MOV10L1: variants seen among roughly 807,000 people sequenced by gnomAD.
MOV10L1 encodes Mov10 like RNA helicase 1, also known as RNA helicase Mov10l1.
A neutral mutation model predicts 143.8 loss-of-function variants in MOV10L1; 110 were observed. That is an observed-to-expected ratio of 0.76 (90% CI 0.66 to 0.90). The LOEUF (loss-of-function observed/expected upper bound fraction) is 0.90. Among genes scored for constraint, MOV10L1 ranks in the 40% least tolerant of loss-of-function variants. MOV10L1 has a pLI of 0.00. For synonymous variants in MOV10L1, 593 were observed against 581.1 expected (o/e 1.02, Z -0.29); for missense variants, 1,406 against 1,526.8 (o/e 0.92, Z 1.32).
Position 50,149,699 on chromosome 22 carries a change from G to A in MOV10L1, c.2712G>A (p.Ser904=), listed in dbSNP as rs150225939. 15 of 1,613,374 alleles carry A rather than the reference G, an allele frequency of 9.3e-6. No homozygotes were observed. The highest frequency in any genetic ancestry group is 6.7e-5 in the African/African-American group (5 of 74,916). ...GCCTCATTCCTCTGGGGCTGATGTCGGACATCAGTGGCCAGGTAAGTCCCG... is the reference window on the plus strand; with the variant it reads ...GCCTCATTCCTCTGGGGCTGATGTCAGACATCAGTGGCCAGGTAAGTCCCG... ...PECLIPLGLM[S]DISGQIVLAG... Residue 904 remains serine (S), a synonymous_variant, in exon 20 of 27, where the codon TCG becomes TCA. Coordinates refer to ENST00000262794, the MANE Select transcript of MOV10L1 (RefSeq NM_018995.3).
At chr22:50,149,409 T>C in intron 19 of MOV10L1, 2 of 576,630 alleles carry the variant, frequency 3.5e-6, no homozygotes, top group Non-Finnish European at 6.2e-6. Flanking sequence ...TGCAAAGCAC[T>C]GGGTGCTGAT....
rs1185802592 is a variant in MOV10L1, at chr22:50,114,456, C to G, written c.960C>G (p.Phe320Leu). ...GGGATAAATCTAAACAATTCAGATT[C>G]CAAATGCTGGATAAAGACCAGATGT... ...AGWDKSKQFRFQMLDKDQMCP... is the reference protein window; with the variant it reads ...AGWDKSKQFRLQMLDKDQMCP... Residue 320 changes from phenylalanine to leucine, a missense_variant, in exon 7 of 27, where the codon TTC (phenylalanine) becomes TTG (leucine). By Grantham distance (22) the Phe-to-Leu change is conservative. This residue lies in a region of MOV10L1 where 1,233 missense variants were observed against 1,351.4 expected (regional missense o/e 0.91). Coordinates refer to ENST00000262794, the MANE Select transcript of MOV10L1 (RefSeq NM_018995.3). 2 of 1,614,050 alleles carry G rather than the reference C, an allele frequency of 1.2e-6. No homozygotes were observed. The highest frequency in any genetic ancestry group is 1.7e-5 in the Admixed American group (1 of 59,994).
In MOV10L1 at chr22:50,160,722, G is replaced by A. The variant is rs373499064; in HGVS notation, c.3359G>A (p.Arg1120Gln). ...AATGAAGATAGATTTGAAGATGATCGATATTTTTTGGGTTTCTTGTCCAAC... is the reference window on the plus strand; with the variant it reads ...AATGAAGATAGATTTGAAGATGATCAATATTTTTTGGGTTTCTTGTCCAAC... ...RSNEDRFEDD[R>Q]YFLGFLSNSK... Residue 1120 changes from arginine (R) to glutamine (Q), a missense_variant, in exon 25 of 27, where the codon CGA becomes CAA. Physicochemically the swap from Arg to Gln is conservative, Grantham distance 43 (BLOSUM62 1). Coordinates refer to ENST00000262794, the MANE Select transcript of MOV10L1 (RefSeq NM_018995.3). 2.0e-5 allele frequency: 32 copies of A among 1,613,952 alleles called. No homozygotes were observed. Among genetic ancestry groups the A allele is most frequent in the Non-Finnish European group, 2.5e-5 (29 of 1,180,004 alleles).
intron 15 of MOV10L1, among the ~76,000 whole-genome samples, chr22:50,141,659 C>T (rs185152006): frequency 1.8e-4 from 28 of 152,186 alleles, no homozygotes; most frequent in African/African-American, 6.5e-4. Flanking sequence ...TCTTGCCTGA[C>T]GTCAACAGGC....
In MOV10L1 at chr22:50,152,102, T is replaced by A. The variant is rs942558249; in HGVS notation, c.2893-943T>A. Among the ~76,000 whole-genome samples, 11 of 152,144 alleles carry A rather than the reference T, an allele frequency of 7.2e-5. No individual in the cohort carries two copies. Among genetic ancestry groups the A allele is most frequent in the African/African-American group, 2.4e-4 (10 of 41,446 alleles). ...GAGTCGGGAGGACTCACGGGGCCAA[T>A]CATGGCGTTCTCGTGCCAGTGTCAT... is the stretch of plus-strand genomic sequence containing the variant. On this transcript the variant is annotated intron_variant, in intron 21 of 26. Transcript: ENST00000262794. This position sits in a 1 kb window ranked among gnomAD's most constrained non-coding sequence, Gnocchi z 4.4.
intron 1 of MOV10L1, chr22:50,090,394 T>G: frequency 1.3e-6 from 2 of 1,560,508 alleles, no homozygotes; most frequent in Non-Finnish European, 8.7e-7. Flanking sequence ...CCGTCCTCTG[T>G]GAGGTCTCTC....
At chr22:50,093,612 G>A (rs529332958) in intron 2 of MOV10L1, 5 of 152,000 alleles carry the variant, frequency 3.3e-5, no homozygotes, top group Non-Finnish European at 4.4e-5. Context: ...GAGCTCAAGC[G>A]ATTCTTCCAC....
At position 50,126,105 on chromosome 22, in the gene MOV10L1, G is replaced by A. The variant is rs781359997; in HGVS notation, c.1748-97G>A. The A allele has an allele frequency of 6.4e-5, 52 of 818,228 alleles. 1 individual carries two copies. The highest frequency in any genetic ancestry group is 4.5e-4 in the Middle Eastern group (2 of 4,406). The allele number at this position is 818,228 out of a possible 1,614,324, so 50.7% of individuals were successfully genotyped here. Reference sequence around the variant, plus strand: ...CTGCACCCAGCCTGACCCCAGTAACGTTTTATTGAACCTCCTCAGTGTTGG... The same window carrying A: ...CTGCACCCAGCCTGACCCCAGTAACATTTTATTGAACCTCCTCAGTGTTGG... On this transcript the variant is annotated intron_variant, in intron 11 of 26. Coordinates refer to ENST00000262794, the MANE Select transcript of MOV10L1 (RefSeq NM_018995.3).
chr22:50,090,765 C>G (rs2062414231), intron 1 of MOV10L1: 3 of 463,954 alleles, frequency 6.5e-6, no homozygotes, highest in African/African-American at 6.0e-5. Flanking sequence ...CAACCTCCGC[C>G]TTCTGGGTTC....
At chr22:50,099,371 G>A (rs1019212604) in intron 2 of MOV10L1, 72 bp from the exon 3 acceptor site, 272 of 1,542,534 alleles carry the variant, frequency 1.8e-4, no homozygotes, top group Admixed American at 2.5e-4. Context: ...TCTCAGACAG[G>A]CATGCCAGCC....
At chr22:50,095,469 T>C (rs923418530) in intron 2 of MOV10L1, 2 of 152,172 alleles carry the variant, frequency 1.3e-5, no homozygotes, top group African/African-American at 4.8e-5. Context: ...TTTTTGTGTG[T>C]ATTTAAAGGA....
intron 22 of MOV10L1, among the ~76,000 whole-genome samples, chr22:50,155,844 A>G (rs1397165639): frequency 6.6e-6 from 1 of 152,174 alleles, no homozygotes; most frequent in Non-Finnish European, 1.5e-5. Flanking sequence ...TGAGCCCAGG[A>G]GTTCAAGAAC....
chr22:50,114,384 T>A lies in MOV10L1; in HGVS notation c.888T>A (p.Asn296Lys). The A allele has an allele frequency of 6.2e-7, 1 of 1,613,644 alleles. No homozygotes were observed. The highest frequency in any genetic ancestry group is 8.5e-7 in the Non-Finnish European group (1 of 1,179,684). The change falls in exon 7 of 27, where the codon AAT (asparagine) becomes AAA (lysine). Residue 296 changes from asparagine (N) to lysine (K), a missense_variant. Physicochemically the swap from Asn to Lys is moderately conservative, Grantham distance 94. Coordinates refer to ENST00000262794, the MANE Select transcript of MOV10L1 (RefSeq NM_018995.3). ...RSKTMVIWIE[N>K]KGDIPQNLVS... ...ATAGTTAATTGTATTTTTCCAGGAA[T>A]AAAGGAGACATTCCTCAAAACTTAG...
chr22:50,090,576 T>C lies in MOV10L1; in HGVS notation c.97+391T>C, dbSNP rs1460629365. 3 of 1,557,874 alleles carry C rather than the reference T, an allele frequency of 1.9e-6. No individual in the cohort carries two copies. The African/African-American group carries it at 4.1e-5, about 21-fold the overall frequency. On this transcript the variant is annotated intron_variant, in intron 1 of 26. Coordinates refer to ENST00000262794, the MANE Select transcript of MOV10L1 (RefSeq NM_018995.3). Reference sequence around the variant, plus strand: ...CTTGGCCTGTCCTTTCAGAACGCGCTGCGCCAAGGCGTGCCATTTCCTTGT... The same window carrying C: ...CTTGGCCTGTCCTTTCAGAACGCGCCGCGCCAAGGCGTGCCATTTCCTTGT...
chr22:50,090,358 C>T (rs1223695604), intron 1 of MOV10L1, 173 bp downstream of exon 1: 1 of 1,522,244 alleles, frequency 6.6e-7, no homozygotes, highest in African/African-American at 1.4e-5. Context: ...GCTTCCGACC[C>T]CACAGCATCC....
rs1046912216 is a variant in MOV10L1 at position 50,152,615 on chromosome 22, G to A, written c.2893-430G>A. ...GTGTCTATGCTCTCCTGGCCCAGGG[G>A]CCCAGGAGCTCTTCCTTCCCTGTGG... On this transcript the variant is annotated intron_variant, in intron 21 of 26. Coordinates refer to ENST00000262794, the MANE Select transcript of MOV10L1 (RefSeq NM_018995.3). The surrounding 1 kb of genome is among the most constrained non-coding windows in gnomAD (Gnocchi z 4.4). Among the ~76,000 whole-genome samples the A allele has an allele frequency of 2.8e-4, 43 of 152,164 alleles. No individual in the cohort carries two copies. The highest frequency in any genetic ancestry group is 9.9e-4 in the African/African-American group (41 of 41,438).
intron 22 of MOV10L1, among the ~76,000 whole-genome samples, chr22:50,156,964 C>T (rs981810465): frequency 1.3e-5 from 2 of 152,208 alleles, no homozygotes; most frequent in African/African-American, 2.4e-5. Flanking sequence ...CAGCATTCCA[C>T]ACCCCACCAA....
intron 9 of MOV10L1, 135 bp downstream of exon 9, chr22:50,117,486 C>T (rs1390567367): frequency 1.1e-6 from 1 of 885,298 alleles, no homozygotes; most frequent in Non-Finnish European, 1.7e-6. Flanking sequence ...GTTCAAGCCT[C>T]TTTCCATGAT....
chr22:50,141,263 C>T (rs1313539178), intron 15 of MOV10L1, among the ~76,000 whole-genome samples: 2 of 152,038 alleles, frequency 1.3e-5, no homozygotes, highest in Non-Finnish European at 2.9e-5. Context: ...GTCTCGATCT[C>T]TTGACCTTGT....
Sources: gnomAD v4.1 joint callset for allele counts (sites outside exome capture counted in the v4.1 genomes callset) on GRCh38, gnomAD v4.1.1 for gene constraint, gnomAD v4.1.1 regional missense constraint, Gnocchi (gnomAD v3.1) non-coding constraint, MANE v1.5 for transcripts, NCBI Gene and HGNC (gene_info 2026-07-23, HGNC 2026-07-21) for gene names.